Variants in KTN1 observed in about 807,000 individuals in gnomAD.
The protein encoded by KTN1 is kinectin.
A neutral mutation model predicts 222.5 loss-of-function variants in KTN1; 130 were observed. The ratio of observed to expected loss-of-function variants is 0.58; its 90% CI spans 0.51 to 0.68. The LOEUF is 0.68. Ranked by LOEUF, KTN1 falls within the 30% of genes least tolerant of loss-of-function variation. The probability of loss-of-function intolerance (pLI) is 0.00; values close to 1 mark genes in which losing one functional copy is unlikely to be tolerated. For synonymous variants in KTN1, 512 were observed against 496.3 expected (o/e 1.03, Z -0.42); for missense variants, 1,508 against 1,500.4 (o/e 1.01, Z -0.08).
At chr14:55,603,902 G>T (rs563590600) in intron 1 of KTN1, among the ~76,000 whole-genome samples, 1 of 151,964 alleles carries the variant, frequency 6.6e-6, no homozygotes, top group Non-Finnish European at 1.5e-5. Flanking sequence ...TTATTCTCTC[G>T]TACCCCACAT....
At chr14:55,665,811 A>G (rs559478878) in intron 33 of KTN1, among the ~76,000 whole-genome samples, 1 of 152,146 alleles carries the variant, frequency 6.6e-6, no homozygotes, top group Admixed American at 6.5e-5. Context: ...TAACCAAACT[A>G]CTGTGTCAGA....
chr14:55,630,656 T>C (rs113209442), intron 7 of KTN1, among the ~76,000 whole-genome samples: 1 of 152,028 alleles, frequency 6.6e-6, no homozygotes, highest in Admixed American at 6.6e-5. Flanking sequence ...AGAAGGGATA[T>C]TGAGAAGTAG....
chr14:55,654,928 C>T (rs1361625893), intron 28 of KTN1, among the ~76,000 whole-genome samples: 1 of 152,096 alleles, frequency 6.6e-6, no homozygotes, highest in Non-Finnish European at 1.5e-5. Flanking sequence ...TTACCTTTTC[C>T]AGAATATCGT....
intron 43 of KTN1, chr14:55,679,894 G>T: frequency 1.8e-6 from 1 of 545,788 alleles, no homozygotes; most frequent in Non-Finnish European, 3.2e-6. Context: ...GGTTATCTGT[G>T]CCTCCTTTGA....
chr14:55,599,656 T>C (rs2035661165), intron 1 of KTN1, among the ~76,000 whole-genome samples: 1 of 152,080 alleles, frequency 6.6e-6, no homozygotes, highest in African/African-American at 2.4e-5. Context: ...TTTGTAGTTT[T>C]AGTAGAGACG....
chr14:55,646,665 G>A (rs1435016436), intron 18 of KTN1, among the ~76,000 whole-genome samples: 2 of 151,174 alleles, frequency 1.3e-5, no homozygotes, highest in African/African-American at 4.9e-5. Context: ...TTGAATTAAT[G>A]TAAAGGAAGT....
At chr14:55,649,919 T>C (rs1454189617) in intron 22 of KTN1, 106 bp downstream of exon 22, 3 of 598,052 alleles carry the variant, frequency 5.0e-6, no homozygotes, top group Non-Finnish European at 8.5e-6. Context: ...AGCTGATGTA[T>C]GTTTAACTTT....
chr14:55,670,742 G>T lies in KTN1; in HGVS notation c.3281G>T (p.Trp1094Leu). Residue 1094 changes from tryptophan (W) to leucine (L), a missense_variant, in exon 35 of 44, where the codon TGG (tryptophan) becomes TTG (leucine). Trp to Leu is a moderately conservative substitution (Grantham distance 61). Transcript: ENST00000395314. Reference sequence around the variant, plus strand: ...TCTCGTCCACAGAGTTATGGTGAATGGTTGCATGGATTTGAAAAAAAGGCA... The same window carrying T: ...TCTCGTCCACAGAGTTATGGTGAATTGTTGCATGGATTTGAAAAAAAGGCA... ...SVPSNLSYGE[W>L]LHGFEKKAKE... 6.2e-7 allele frequency: 1 copy of T among 1,607,480 alleles called. No homozygotes were observed. The highest frequency in any genetic ancestry group is 1.1e-5 in the South Asian group (1 of 90,584).
At chr14:55,649,110 A>G (rs1002298461) in intron 21 of KTN1, among the ~76,000 whole-genome samples, 15 of 152,114 alleles carry the variant, frequency 9.9e-5, no homozygotes, top group Admixed American at 9.2e-4. Context: ...ATTTTTTTGT[A>G]GAGATAGGGT....
intron 43 of KTN1, 35 bp downstream of exon 43, chr14:55,679,720 A>G (rs759923442): frequency 3.1e-6 from 5 of 1,597,152 alleles, no homozygotes; most frequent in Admixed American, 1.7e-5. Context: ...TCTATGGGTA[A>G]TTGATGTTAT....
At chr14:55,588,850 A>G (rs2033561346) in intron 1 of KTN1, among the ~76,000 whole-genome samples, 1 of 152,102 alleles carries the variant, frequency 6.6e-6, no homozygotes, top group Admixed American at 6.5e-5. Flanking sequence ...ATAGACTGGG[A>G]TCTACATATA....
chr14:55,601,106 A>G (rs2035910876), intron 1 of KTN1, among the ~76,000 whole-genome samples: 1 of 152,232 alleles, frequency 6.6e-6, no homozygotes, highest in Non-Finnish European at 1.5e-5. Flanking sequence ...AGTTTGATTA[A>G]AAAATAGAAG....
At chr14:55,646,436 CTTTCCTTTTCCT>C (rs1251932293) in intron 18 of KTN1, among the ~76,000 whole-genome samples, 7 of 96,876 alleles carry the variant, frequency 7.2e-5, no homozygotes, top group South Asian at 7.0e-4. Context: ...CCTTCCTTTC[CTTTCCTTTTCCT>C]TTTCCTTTTC....
chr14:55,586,191 T>A (rs947114244), intron 1 of KTN1, among the ~76,000 whole-genome samples: 33 of 152,186 alleles, frequency 2.2e-4, no homozygotes, highest in African/African-American at 7.7e-4. Flanking sequence ...TTTAATTACA[T>A]AATGTTCTGT....
At chr14:55,640,246 T>G in intron 14 of KTN1, 128 bp from the exon 15 acceptor site, 1 of 699,266 alleles carries the variant, frequency 1.4e-6, no homozygotes. Flanking sequence ...GAATTGGTGG[T>G]TTCTCTTGAT....
At chr14:55,632,282 T>C (rs985373468) in intron 7 of KTN1, among the ~76,000 whole-genome samples, 3 of 152,352 alleles carry the variant, frequency 2.0e-5, no homozygotes, top group Admixed American at 1.3e-4. Context: ...TCATCCTGTT[T>C]TACTTGATTA....
intron 7 of KTN1, among the ~76,000 whole-genome samples, chr14:55,632,416 C>A (rs1241063313): frequency 2.6e-5 from 4 of 152,074 alleles, no homozygotes; most frequent in African/African-American, 9.7e-5. Context: ...TTATTTCATA[C>A]AAAAACATGT....
intron 1 of KTN1, among the ~76,000 whole-genome samples, chr14:55,594,948 G>C (rs1294476480): frequency 6.6e-6 from 1 of 152,146 alleles, no homozygotes; most frequent in Admixed American, 6.5e-5. Context: ...GCTTTCTGGA[G>C]TTCAGAGTTA....
Position 55,636,042 on chromosome 14 carries a change from C to T in KTN1, c.1462-407C>T, listed in dbSNP as rs1250837991. On this transcript the variant is annotated intron_variant, in intron 9 of 43. Transcript: ENST00000395314. ...TTGGAGTGTTGTGTTATAAAAATAC[C>T]TCAAAATAAGAATTTTTAGCTACTT... Among the ~76,000 whole-genome samples the T allele has an allele frequency of 2.6e-5, 4 of 151,900 alleles. No individual in the cohort carries two copies. The South Asian group carries it at 6.2e-4, about 24-fold the overall frequency.
Sources: allele counts gnomAD v4.1 joint callset (sites outside exome capture counted in the v4.1 genomes callset), GRCh38; gene constraint gnomAD v4.1.1; transcripts MANE v1.5; gene names NCBI Gene and HGNC (gene_info 2026-07-23, HGNC 2026-07-21).